SKIL: variants seen among roughly 807,000 people sequenced by gnomAD.
SKIL encodes SKI like proto-oncogene.
SKIL carries 20 observed loss-of-function variants against 69.6 expected under a neutral mutation model. The observed-to-expected ratio is 0.29, with a 90% CI of 0.20 to 0.42. The LOEUF (loss-of-function observed/expected upper bound fraction) is 0.42, where lower values mean the gene tolerates loss of function less well. Ranked by LOEUF, SKIL falls within the 10% of genes least tolerant of loss-of-function variation. The pLI is 1.00. For missense variants in SKIL, 745 were observed against 783.1 expected, an observed-to-expected ratio of 0.95 and a Z score of 0.58; for synonymous variants, 310 against 279.9, an observed-to-expected ratio of 1.11 and a Z score of -1.08.
intron 2 of SKIL, among the ~76,000 whole-genome samples, chr3:170,365,060 A>G (rs1166591485): frequency 6.6e-6 from 1 of 152,230 alleles, no homozygotes; most frequent in Non-Finnish European, 1.5e-5. Flanking sequence ...TTTAATACGT[A>G]CTTGAGTGGT....
intron 2 of SKIL, among the ~76,000 whole-genome samples, chr3:170,369,552 C>A (rs1736698067): frequency 6.6e-6 from 1 of 152,152 alleles, no homozygotes; most frequent in Non-Finnish European, 1.5e-5. Flanking sequence ...CAGTCATGTG[C>A]CACCATAGCT....
intron 2 of SKIL, among the ~76,000 whole-genome samples, chr3:170,366,680 CACACACACACACACAG>C (rs920295027): frequency 3.5e-5 from 3 of 86,830 alleles, no homozygotes; most frequent in African/African-American, 1.4e-4. Context: ...AAAACACACA[CACACACACACACACAG>C]ACACACACAC....
At chr3:170,365,795 G>A (rs975753981) in intron 2 of SKIL, among the ~76,000 whole-genome samples, 1 of 133,312 alleles carries the variant, frequency 7.5e-6, no homozygotes, top group East Asian at 2.3e-4. Context: ...TCGCTCTTGC[G>A]CCCAGGCTGG....
chr3:170,390,830 C>G (rs1737873581), intron 5 of SKIL, among the ~76,000 whole-genome samples: 1 of 152,110 alleles, frequency 6.6e-6, no homozygotes, highest in African/African-American at 2.4e-5. Flanking sequence ...TACAAATGTA[C>G]TTAAGATTAT....
chr3:170,378,095 A>G (rs1403025358), intron 2 of SKIL, among the ~76,000 whole-genome samples: 1 of 138,712 alleles, frequency 7.2e-6, no homozygotes, highest in African/African-American at 2.7e-5. Flanking sequence ...GTTTCACTAT[A>G]TTGGCCAGGC....
chr3:170,376,594 G>A (rs761752194), intron 2 of SKIL, among the ~76,000 whole-genome samples: 66 of 151,760 alleles, frequency 4.3e-4, no homozygotes, highest in Non-Finnish European at 7.9e-4. Context: ...TTTTTTTAAC[G>A]AGACAGGGTC....
At chr3:170,370,020 A>G (rs776125536) in intron 2 of SKIL, among the ~76,000 whole-genome samples, 4 of 151,820 alleles carry the variant, frequency 2.6e-5, no homozygotes, top group African/African-American at 4.8e-5. Flanking sequence ...CGGGCGGATC[A>G]TGAGGTCAGG....
At chr3:170,383,425 G>A (rs1737461054) in intron 3 of SKIL, among the ~76,000 whole-genome samples, 1 of 152,200 alleles carries the variant, frequency 6.6e-6, no homozygotes, top group African/African-American at 2.4e-5. Context: ...AGGGGATAGA[G>A]TGTCAAGTCT....
At position 170,396,521 on chromosome 3, in the gene SKIL, ATTAAAG is replaced by A. The variant is rs1738195648; in HGVS notation, c.*4110_*4115del. The A allele has an allele frequency of 2.0e-5, 3 of 152,348 alleles. No individual in the cohort carries two copies. The South Asian group carries it at 6.2e-4, about 32-fold the overall frequency. The allele number at this position is 152,348 out of a possible 1,614,324, so 9.4% of individuals were successfully genotyped here. A position where few individuals can be genotyped will look rare whatever the true frequency, so the allele number is the denominator to read the frequency against. ...CAAATAATTGGCTACATTGACCATA[ATTAAAG>A]TTAAAATTTTGCCAATGATGTACAG... On this transcript the variant is annotated 3_prime_UTR_variant, in exon 7 of 7. Transcript: ENST00000259119.
chr3:170,376,564 C>T (rs1445660613), intron 2 of SKIL, among the ~76,000 whole-genome samples: 1 of 152,016 alleles, frequency 6.6e-6, no homozygotes, highest in Admixed American at 6.6e-5. Flanking sequence ...AGCTATGTCA[C>T]GTTGACTCAA....
At chr3:170,366,981 G>GAAA (rs983500587) in intron 2 of SKIL, among the ~76,000 whole-genome samples, 1 of 151,978 alleles carries the variant, frequency 6.6e-6, no homozygotes, top group African/African-American at 2.4e-5. Flanking sequence ...ACGTTTGTAT[G>GAAA]AAAAAAAGAT....
chr3:170,358,531 C>T (rs1736055942), intron 1 of SKIL: 1 of 152,812 alleles, frequency 6.5e-6, no homozygotes, highest in East Asian at 1.9e-4. Context: ...CATTCTAGGT[C>T]ATGCCTCTTG....
intron 2 of SKIL, among the ~76,000 whole-genome samples, chr3:170,377,841 A>G (rs1301180365): frequency 6.6e-6 from 1 of 151,072 alleles, no homozygotes; most frequent in Non-Finnish European, 1.5e-5. Context: ...GGTGTGAGCC[A>G]CTGTGCCTGG....
intron 2 of SKIL, among the ~76,000 whole-genome samples, chr3:170,369,692 G>A (rs927391363): frequency 6.6e-6 from 1 of 151,982 alleles, no homozygotes; most frequent in Non-Finnish European, 1.5e-5. Context: ...GTGAGCCACC[G>A]CACCCAGCGA....
intron 4 of SKIL, among the ~76,000 whole-genome samples, chr3:170,389,802 G>T (rs148563911): frequency 2.6e-5 from 4 of 152,190 alleles, no homozygotes. Flanking sequence ...ATTGGGAATT[G>T]TGAGTCTTTC....
chr3:170,396,342 T>C lies in SKIL; in HGVS notation c.*3925T>C, dbSNP rs1047665530. ...TGTAGGACATCTTTTGAGGAATTAG[T>C]TTATGAGAAATAAAATTTTACTTGT... On this transcript the variant is annotated 3_prime_UTR_variant, in exon 7 of 7. Coordinates refer to ENST00000259119, the MANE Select transcript of SKIL (RefSeq NM_005414.5). 1 of 152,150 alleles carries C rather than the reference T, an allele frequency of 6.6e-6. No individual in the cohort carries two copies. The highest frequency in any genetic ancestry group is 2.4e-5 in the African/African-American group (1 of 41,440). 9.4% of individuals were successfully genotyped at this position (152,150 alleles called of 1,614,324 possible).
At chr3:170,365,516 A>G (rs1347873731) in intron 2 of SKIL, among the ~76,000 whole-genome samples, 1 of 152,174 alleles carries the variant, frequency 6.6e-6, no homozygotes, top group Non-Finnish European at 1.5e-5. Context: ...TGAAAAAATC[A>G]GAAATTCAAA....
intron 2 of SKIL, among the ~76,000 whole-genome samples, chr3:170,371,377 C>T (rs914336212): frequency 6.6e-6 from 1 of 152,044 alleles, no homozygotes; most frequent in African/African-American, 2.4e-5. Flanking sequence ...CATGGTGGCA[C>T]ACGCCTGTAA....
rs1434422293 is a variant in SKIL at position 170,393,015 on chromosome 3, G to T, written c.*598G>T. 1 of 152,186 alleles carries T rather than the reference G, an allele frequency of 6.6e-6. No individual in the cohort carries two copies. Among genetic ancestry groups the T allele is most frequent in the Non-Finnish European group, 1.5e-5 (1 of 68,020 alleles). 9.4% of individuals were successfully genotyped at this position (152,186 alleles called of 1,614,324 possible). ...TTACTGAGGTTATAGCATACCCCAT[G>T]AGCACAGTGGGGAAGAAGAATGTGT... is the stretch of plus-strand genomic sequence containing the variant. On this transcript the variant is annotated 3_prime_UTR_variant, in exon 7 of 7. Coordinates refer to ENST00000259119, the MANE Select transcript of SKIL (RefSeq NM_005414.5).
Sources: gnomAD v4.1 joint callset for allele counts (sites outside exome capture counted in the v4.1 genomes callset) on GRCh38, gnomAD v4.1.1 for gene constraint, MANE v1.5 for transcripts, NCBI Gene and HGNC (gene_info 2026-07-23, HGNC 2026-07-21) for gene names.